The following SMG7 variants were observed in gnomAD, a reference collection of about 807,000 sequenced individuals.
SMG7 encodes the protein SMG7 nonsense mediated mRNA decay factor.
In SMG7, 34 loss-of-function variants were observed where a neutral mutation model predicts 148.2. The ratio of observed to expected loss-of-function variants is 0.23; its 90% CI spans 0.17 to 0.31. SMG7 has a LOEUF of 0.31. SMG7 is among the 10% of genes least tolerant of loss of function. The pLI is 1.00. For synonymous variants in SMG7, 492 were observed against 515.1 expected (o/e 0.96, Z 0.61); for missense variants, 1,114 against 1,408.4 (o/e 0.79, Z 3.35).
chr1:183,544,842 C>T (rs1669620517), intron 15 of SMG7, 88 bp from the exon 16 acceptor site: 2 of 1,352,034 alleles, frequency 1.5e-6, no homozygotes, highest in Admixed American at 2.1e-5. Flanking sequence ...AGAAGACTCC[C>T]TCTACCTACC....
At chr1:183,519,110 T>C (rs1279662340) in intron 4 of SMG7, among the ~76,000 whole-genome samples, 1 of 152,134 alleles carries the variant, frequency 6.6e-6, no homozygotes. Flanking sequence ...GGAGGATCAC[T>C]TGAGCCCAGG....
intron 1 of SMG7, among the ~76,000 whole-genome samples, chr1:183,504,751 C>G (rs1198993136): frequency 6.6e-6 from 1 of 152,160 alleles, no homozygotes; most frequent in Non-Finnish European, 1.5e-5. Context: ...TACCATTCTC[C>G]TCAGCTTATC....
At chr1:183,498,664 C>T (rs546245704) in intron 1 of SMG7, among the ~76,000 whole-genome samples, 1 of 152,174 alleles carries the variant, frequency 6.6e-6, no homozygotes, top group Non-Finnish European at 1.5e-5. Context: ...TTCCCATATA[C>T]CCCTTGCTCA....
intron 1 of SMG7, among the ~76,000 whole-genome samples, chr1:183,477,675 T>C (rs889690856): frequency 6.8e-6 from 1 of 147,236 alleles, no homozygotes; most frequent in African/African-American, 2.5e-5. Context: ...TATATGCATA[T>C]ATACGTGTGT....
At chr1:183,487,136 G>T (rs1655653011) in intron 1 of SMG7, among the ~76,000 whole-genome samples, 1 of 152,124 alleles carries the variant, frequency 6.6e-6, no homozygotes, top group Non-Finnish European at 1.5e-5. Context: ...AACAGTTCTG[G>T]AGGTCAGAGG....
chr1:183,482,134 A>G (rs569073723), intron 1 of SMG7, among the ~76,000 whole-genome samples: 2 of 152,282 alleles, frequency 1.3e-5, no homozygotes, highest in African/African-American at 4.8e-5. Context: ...TGATGTAAAC[A>G]TTATGATCAG....
chr1:183,551,769 G>T, intron 22 of SMG7, 49 bp from the exon 23 acceptor site: 1 of 1,439,110 alleles, frequency 6.9e-7, no homozygotes, highest in South Asian at 1.4e-5. Context: ...ATCCCTTTCA[G>T]ACAACTTGGC....
chr1:183,529,638 A>T, intron 8 of SMG7, 105 bp downstream of exon 8: 3 of 824,458 alleles, frequency 3.6e-6, no homozygotes, highest in Non-Finnish European at 5.7e-6. Flanking sequence ...TGTGTGAACT[A>T]TTGGTAAAAA....
chr1:183,501,589 C>T (rs1474529186), intron 1 of SMG7, among the ~76,000 whole-genome samples: 1 of 152,196 alleles, frequency 6.6e-6, no homozygotes, highest in Admixed American at 6.5e-5. Context: ...TTACACCTGA[C>T]ATACCACTGG....
At chr1:183,477,728 A>G (rs1453045722) in intron 1 of SMG7, among the ~76,000 whole-genome samples, 1 of 149,952 alleles carries the variant, frequency 6.7e-6, no homozygotes, top group African/African-American at 2.5e-5. Context: ...GCATGTGTAT[A>G]TATGCATATA....
chr1:183,527,906 C>A lies in SMG7; in HGVS notation c.485-50C>A. On this transcript the variant is annotated intron_variant, in intron 5 of 22. Transcript: ENST00000688051. This position sits in a 1 kb window ranked among gnomAD's most constrained non-coding sequence, Gnocchi z 4.0. ...AACTATAGCTGTTTTGGAAATACTACCCTACTGTTTGTTTTTTGGGTTTTT... is the reference window on the plus strand; with the variant it reads ...AACTATAGCTGTTTTGGAAATACTAACCTACTGTTTGTTTTTTGGGTTTTT... 2 of 1,291,468 alleles carry A rather than the reference C, an allele frequency of 1.5e-6. No individual in the cohort carries two copies. The highest frequency in any genetic ancestry group is 2.2e-6 in the Non-Finnish European group (2 of 889,878). The allele number at this position is 1,291,468 out of a possible 1,614,324, so 80.0% of individuals were successfully genotyped here. A position where few individuals can be genotyped will look rare whatever the true frequency, so the allele number is the denominator to read the frequency against.
At chr1:183,541,751 T>C (rs1668904586) in intron 13 of SMG7, among the ~76,000 whole-genome samples, 1 of 152,180 alleles carries the variant, frequency 6.6e-6, no homozygotes, top group Middle Eastern at 3.2e-3. Context: ...TTCACATCTA[T>C]AGAATAGGAA....
intron 1 of SMG7, among the ~76,000 whole-genome samples, chr1:183,499,533 G>T (rs1659287337): frequency 6.6e-6 from 1 of 152,158 alleles, no homozygotes; most frequent in African/African-American, 2.4e-5. Flanking sequence ...TTTGCCATCT[G>T]TGTATCTTCT....
At chr1:183,507,944 T>G (rs1358878303) in intron 1 of SMG7, among the ~76,000 whole-genome samples, 1 of 152,198 alleles carries the variant, frequency 6.6e-6, no homozygotes, top group Non-Finnish European at 1.5e-5. Context: ...AGACAATATA[T>G]TTCGATAGCT....
At chr1:183,498,665 C>T (rs967325602) in intron 1 of SMG7, among the ~76,000 whole-genome samples, 6 of 152,094 alleles carry the variant, frequency 3.9e-5, no homozygotes, top group African/African-American at 1.4e-4. Context: ...TCCCATATAC[C>T]CCTTGCTCAC....
At chr1:183,540,835 A>G in intron 12 of SMG7, 149 bp from the exon 13 acceptor site, 1 of 522,966 alleles carries the variant, frequency 1.9e-6, no homozygotes, top group Middle Eastern at 3.6e-4. Flanking sequence ...CTGGTAGTAT[A>G]AATTCTAATA....
In SMG7 at chr1:183,502,240, C is replaced by T. The variant is rs889298664; in HGVS notation, c.30-10597C>T. The stretch of plus-strand genomic sequence containing the variant: ...GTGGGTTAACTCATATTTTCCTCCT[C>T]TCCTCTATCTAGAATGTCTTAAACC... On this transcript the variant is annotated intron_variant, in intron 1 of 22. Transcript: ENST00000688051. The T allele has an allele frequency of 8.3e-6, 12 of 1,442,190 alleles. No homozygotes were observed. The East Asian group carries it at 2.3e-4, about 27-fold the overall frequency. 89.3% of individuals were successfully genotyped at this position (1,442,190 alleles called of 1,614,324 possible). A position where few individuals can be genotyped will look rare whatever the true frequency, so the allele number is the denominator to read the frequency against.
intron 18 of SMG7, among the ~76,000 whole-genome samples, chr1:183,548,381 G>A (rs1474629548): frequency 1.3e-5 from 2 of 152,122 alleles, no homozygotes; most frequent in Non-Finnish European, 2.9e-5. Flanking sequence ...AAGGACTGAG[G>A]GTAGTGCTTC....
chr1:183,546,132 A>G lies in SMG7; in HGVS notation c.2537A>G (p.Glu846Gly), dbSNP rs764827869. Residue 846 changes from glutamate (E) to glycine (G), a missense_variant, in exon 17 of 23, where the codon GAA (glutamate) becomes GGA (glycine). This residue lies in a region of SMG7 where 788 missense variants were observed against 894.5 expected (regional missense o/e 0.88). Coordinates refer to ENST00000688051, the MANE Select transcript of SMG7 (RefSeq NM_001375584.1). Reference sequence around the variant, plus strand: ...CCTGTAATGCAGCAGCAGCCTCTAGAAAAAAAAATGAAGCCTTTTCCCATG... The same window carrying G: ...CCTGTAATGCAGCAGCAGCCTCTAGGAAAAAAAATGAAGCCTTTTCCCATG... Reference protein sequence around the residue: ...QPPVMQQQPLEKKMKPFPMEP... With the variant: ...QPPVMQQQPLGKKMKPFPMEP... 2 of 1,611,164 alleles carry G rather than the reference A, an allele frequency of 1.2e-6. No individual in the cohort carries two copies. The highest frequency in any genetic ancestry group is 1.7e-6 in the Non-Finnish European group (2 of 1,177,932).
Sources: gnomAD v4.1 joint callset for allele counts (sites outside exome capture counted in the v4.1 genomes callset) on GRCh38, gnomAD v4.1.1 for gene constraint, gnomAD v4.1.1 regional missense constraint, Gnocchi (gnomAD v3.1) non-coding constraint, MANE v1.5 for transcripts, NCBI Gene and HGNC (gene_info 2026-07-23, HGNC 2026-07-21) for gene names.